Variants in JAZF1 observed in about 807,000 individuals in gnomAD.
JAZF1 encodes JAZF zinc finger 1.
In JAZF1, 8 loss-of-function variants were observed where a neutral mutation model predicts 26.4. That is an observed-to-expected ratio of 0.30 (90% CI 0.18 to 0.55). JAZF1 has a LOEUF of 0.55. Ranked by LOEUF, JAZF1 falls within the 20% of genes least tolerant of loss-of-function variation. JAZF1 has a pLI of 0.94. For synonymous variants in JAZF1, 126 were observed against 122.3 expected (o/e 1.03, Z -0.20); for missense variants, 199 against 322.0 (o/e 0.62, Z 2.92).
At position 27,876,230 on chromosome 7, in the gene JAZF1, G is replaced by A. The variant is rs573683430; in HGVS notation, c.385+18990C>T. Among the ~76,000 whole-genome samples, 25 of 152,270 alleles carry A rather than the reference G, an allele frequency of 1.6e-4. No individual in the cohort carries two copies. The South Asian group carries it at 4.2e-3, about 25-fold the overall frequency. On this transcript the variant is annotated intron_variant, in intron 3 of 4. Transcript: ENST00000283928. The stretch of plus-strand genomic sequence containing the variant: ...CCAAGGTGGGGTGGAAGGGACAGAG[G>A]GTCTCTCTTCAACCTGCTTCCAGAA...
At chr7:27,949,379 C>T (rs1305068040) in intron 2 of JAZF1, among the ~76,000 whole-genome samples, 5 of 152,126 alleles carry the variant, frequency 3.3e-5, no homozygotes, top group African/African-American at 9.7e-5. Context: ...AGTGGAGGTC[C>T]CCACACTGTC....
At chr7:28,180,270 C>T (rs1219515517) in intron 1 of JAZF1, 193 bp downstream of exon 1, 1 of 144,446 alleles carries the variant, frequency 6.9e-6, no homozygotes, top group African/African-American at 2.6e-5. Context: ...GCCCCCTCCC[C>T]CACCCGAGCC....
At chr7:27,964,312 T>C (rs1485083537) in intron 2 of JAZF1, among the ~76,000 whole-genome samples, 1 of 152,140 alleles carries the variant, frequency 6.6e-6, no homozygotes, top group East Asian at 1.9e-4. Flanking sequence ...TTCAGTGTAA[T>C]TTATAATAAT....
At chr7:27,965,886 C>T (rs949886384) in intron 2 of JAZF1, among the ~76,000 whole-genome samples, 4 of 152,104 alleles carry the variant, frequency 2.6e-5, no homozygotes, top group South Asian at 4.1e-4. Flanking sequence ...TATAGAGATA[C>T]GACTACATGA....
intron 2 of JAZF1, among the ~76,000 whole-genome samples, chr7:27,976,160 T>C (rs796526092): frequency 6.6e-5 from 10 of 152,100 alleles, no homozygotes; most frequent in Middle Eastern, 3.4e-3. Flanking sequence ...CTGGCTACCA[T>C]GGTGAAACCC....
chr7:28,024,890 A>T (rs186287287), intron 1 of JAZF1, among the ~76,000 whole-genome samples: 9 of 152,320 alleles, frequency 5.9e-5, no homozygotes. Flanking sequence ...CTTGACAAGG[A>T]TTCCATAGAC....
intron 1 of JAZF1, among the ~76,000 whole-genome samples, chr7:28,169,891 A>T (rs925712038): frequency 1.3e-5 from 2 of 152,198 alleles, no homozygotes; most frequent in Admixed American, 1.3e-4. Flanking sequence ...TAAATGAATT[A>T]GGTAAGAAAA....
chr7:27,941,597 C>G (rs755335632), intron 2 of JAZF1, among the ~76,000 whole-genome samples: 7 of 152,192 alleles, frequency 4.6e-5, no homozygotes, highest in African/African-American at 1.7e-4. Flanking sequence ...AATGCACAGG[C>G]CTACCTTGGA....
intron 2 of JAZF1, among the ~76,000 whole-genome samples, chr7:27,907,006 C>A (rs987228791): frequency 6.6e-6 from 1 of 152,098 alleles, no homozygotes. Context: ...TGAGATGATG[C>A]GTAACTTTCC....
In JAZF1 at chr7:28,042,429, C is replaced by T. The variant is rs117334355; in HGVS notation, c.116-50448G>A. Among the ~76,000 whole-genome samples, 792 of 152,220 alleles carry T rather than the reference C, an allele frequency of 5.2e-3. 4 individuals are homozygous for T. The highest frequency in any genetic ancestry group is 0.014 in the Middle Eastern group (4 of 294). On this transcript the variant is annotated intron_variant, in intron 1 of 4. Transcript: ENST00000283928. ...CTGACATGATCAAGTTTTAGAAAGA[C>T]CACTGGAAATGGCAGCAGCTGAAGA...
At chr7:27,911,025 C>T (rs1463310926) in intron 2 of JAZF1, among the ~76,000 whole-genome samples, 4 of 152,216 alleles carry the variant, frequency 2.6e-5, no homozygotes, top group Admixed American at 6.5e-5. Flanking sequence ...CTAGGAGAAT[C>T]TTGTCAGACC....
intron 1 of JAZF1, among the ~76,000 whole-genome samples, chr7:28,150,483 G>A (rs1037066598): frequency 6.6e-5 from 10 of 152,190 alleles, no homozygotes; most frequent in Non-Finnish European, 1.5e-4. Flanking sequence ...CATCACCTTC[G>A]AATAAAGGCC....
At position 27,843,295 on chromosome 7, in the gene JAZF1, T is replaced by C. The variant is rs1360352652; in HGVS notation, c.386-2428A>G. The C allele has an allele frequency of 2.6e-5, 4 of 152,266 alleles. No individual in the cohort carries two copies. The East Asian group carries it at 5.8e-4, about 22-fold the overall frequency. The allele number at this position is 152,266 out of a possible 1,614,324, so 9.4% of individuals were successfully genotyped here. On this transcript the variant is annotated intron_variant, in intron 3 of 4. Coordinates refer to ENST00000283928, the MANE Select transcript of JAZF1 (RefSeq NM_175061.4). ...CTGACAGAGAACATCAACACAGACC[T>C]GGGTTCATGCCTTTGCTTTCGTTAG...
intron 1 of JAZF1, among the ~76,000 whole-genome samples, chr7:28,084,916 A>G (rs772508646): frequency 8.7e-4 from 132 of 152,332 alleles, no homozygotes; most frequent in Middle Eastern, 3.4e-3. Flanking sequence ...TAATAGGTTC[A>G]TATGGGATTG....
At chr7:27,969,840 T>C (rs1785344901) in intron 2 of JAZF1, among the ~76,000 whole-genome samples, 1 of 152,224 alleles carries the variant, frequency 6.6e-6, no homozygotes, top group Admixed American at 6.5e-5. Context: ...GCCTTGGCCA[T>C]GCCTTGATTC....
chr7:27,887,242 A>G (rs922341207), intron 3 of JAZF1, among the ~76,000 whole-genome samples: 13 of 152,170 alleles, frequency 8.5e-5, no homozygotes, highest in African/African-American at 2.9e-4. Context: ...GTTTACCTAT[A>G]TAAGAAACCT....
At chr7:27,891,064 ACAGGCGTGAG>A (rs1169985118) in intron 3 of JAZF1, among the ~76,000 whole-genome samples, 10 of 152,208 alleles carry the variant, frequency 6.6e-5, no homozygotes, top group Admixed American at 6.5e-4. Context: ...TGCTGGGATT[ACAGGCGTGAG>A]CGACCGTGCC....
chr7:27,934,076 G>C (rs1394852824), intron 2 of JAZF1, among the ~76,000 whole-genome samples: 1 of 152,174 alleles, frequency 6.6e-6, no homozygotes, highest in African/African-American at 2.4e-5. Context: ...GTATGAGCTG[G>C]AAATGATCAT....
At chr7:28,006,531 ATAT>A (rs1287789537) in intron 1 of JAZF1, among the ~76,000 whole-genome samples, 1 of 152,206 alleles carries the variant, frequency 6.6e-6, no homozygotes, top group Non-Finnish European at 1.5e-5. Context: ...GATAATAAAG[ATAT>A]TATTACTATC....
Sources: gnomAD v4.1 joint callset for allele counts (sites outside exome capture counted in the v4.1 genomes callset) on GRCh38, gnomAD v4.1.1 for gene constraint, MANE v1.5 for transcripts, NCBI Gene and HGNC (gene_info 2026-07-23, HGNC 2026-07-21) for gene names.